Variants in AGBL4 observed in about 807,000 individuals in gnomAD.
AGBL4 encodes cytosolic carboxypeptidase 6.
A neutral mutation model predicts 66.4 loss-of-function variants in AGBL4; 58 were observed. The ratio of observed to expected loss-of-function variants is 0.87; its 90% CI spans 0.71 to 1.09. AGBL4 has a LOEUF of 1.09. Among genes scored for constraint, AGBL4 ranks in the 50% least tolerant of loss-of-function variants. The pLI is 0.00. For missense variants in AGBL4, 579 were observed against 631.0 expected (o/e 0.92, Z 0.88); for synonymous variants, 234 against 222.9 (o/e 1.05, Z -0.44).
chr1:49,014,633 C>T (rs1662680008), intron 5 of AGBL4, among the ~76,000 whole-genome samples: 1 of 152,110 alleles, frequency 6.6e-6, no homozygotes, highest in South Asian at 2.1e-4. Context: ...TTTTTTCTTG[C>T]CTGTTAGTCA....
chr1:48,542,760 T>G (rs563632187), intron 11 of AGBL4, among the ~76,000 whole-genome samples: 1 of 152,318 alleles, frequency 6.6e-6, no homozygotes, highest in East Asian at 1.9e-4. Flanking sequence ...ATGGAGAGAT[T>G]GCAAAAATTT....
chr1:49,483,167 T>A (rs1213181148), intron 3 of AGBL4, among the ~76,000 whole-genome samples: 3 of 152,116 alleles, frequency 2.0e-5, no homozygotes, highest in Non-Finnish European at 4.4e-5. Context: ...TTGAATATCT[T>A]TGTTAATTTT....
chr1:49,528,649 G>C (rs1650855826), intron 3 of AGBL4, among the ~76,000 whole-genome samples: 1 of 152,056 alleles, frequency 6.6e-6, no homozygotes, highest in Non-Finnish European at 1.5e-5. Context: ...GAGCACAAAC[G>C]TTTAGGTGGT....
At position 49,831,582 on chromosome 1, in the gene AGBL4, C is replaced by T. The variant is rs577875124; in HGVS notation, c.157+19814G>A. Among the ~76,000 whole-genome samples the T allele has an allele frequency of 2.0e-3, 299 of 152,284 alleles. 10 individuals are homozygous for T. In the South Asian group the frequency reaches 0.061, roughly 31 times the overall value. On this transcript the variant is annotated intron_variant, in intron 2 of 13. Transcript: ENST00000371839. Reference sequence around the variant, plus strand: ...TAGAGACAATTAGACTTCCTCTCTTCATATTTGAATACCCTTTATTTCTTT... The same window carrying T: ...TAGAGACAATTAGACTTCCTCTCTTTATATTTGAATACCCTTTATTTCTTT...
At chr1:49,877,423 GT>G (rs1254874893) in intron 1 of AGBL4, among the ~76,000 whole-genome samples, 24 of 152,012 alleles carry the variant, frequency 1.6e-4, no homozygotes, top group Admixed American at 3.9e-4. Context: ...TAATCATGTG[GT>G]TTTTGTCTTT....
intron 2 of AGBL4, among the ~76,000 whole-genome samples, chr1:49,725,377 C>G (rs184950764): frequency 4.6e-5 from 7 of 152,056 alleles, no homozygotes; most frequent in African/African-American, 1.7e-4. Flanking sequence ...AAGCTAACAG[C>G]GAAATAATGC....
At chr1:48,931,233 T>TA (rs1655012112) in intron 5 of AGBL4, among the ~76,000 whole-genome samples, 1 of 152,208 alleles carries the variant, frequency 6.6e-6, no homozygotes, top group Non-Finnish European at 1.5e-5. Context: ...TCTCTAATAC[T>TA]AAAGCATGAG....
chr1:49,664,847 TAAAG>T (rs1351578050), intron 3 of AGBL4, among the ~76,000 whole-genome samples: 2 of 152,064 alleles, frequency 1.3e-5, no homozygotes, highest in Non-Finnish European at 2.9e-5. Flanking sequence ...TTAGACTACT[TAAAG>T]AAATTAAGGA....
At chr1:49,729,868 G>A (rs1048114635) in intron 2 of AGBL4, among the ~76,000 whole-genome samples, 3 of 152,130 alleles carry the variant, frequency 2.0e-5, no homozygotes, top group Non-Finnish European at 4.4e-5. Context: ...ACAGGGGAGG[G>A]TCCCTGGTGA....
intron 6 of AGBL4, among the ~76,000 whole-genome samples, chr1:48,768,736 A>C (rs1166589604): frequency 6.6e-6 from 1 of 152,234 alleles, no homozygotes; most frequent in Non-Finnish European, 1.5e-5. Flanking sequence ...GAAATTCTGA[A>C]AGGCTACACA....
At chr1:48,943,072 TC>T (rs1324837700) in intron 5 of AGBL4, among the ~76,000 whole-genome samples, 2 of 152,184 alleles carry the variant, frequency 1.3e-5, no homozygotes, top group African/African-American at 4.8e-5. Flanking sequence ...AGGGAACCAA[TC>T]TTATTGAGCT....
intron 4 of AGBL4, among the ~76,000 whole-genome samples, chr1:49,140,949 T>C (rs950121484): frequency 6.6e-6 from 1 of 152,320 alleles, no homozygotes; most frequent in Non-Finnish European, 1.5e-5. Flanking sequence ...GTACTCCTTC[T>C]TGGGGCTTTT....
chr1:49,316,611 G>A (rs1645043839), intron 3 of AGBL4, among the ~76,000 whole-genome samples: 1 of 151,814 alleles, frequency 6.6e-6, no homozygotes, highest in Non-Finnish European at 1.5e-5. Flanking sequence ...AGAAAGTTAA[G>A]TAATTAAGCA....
intron 4 of AGBL4, among the ~76,000 whole-genome samples, chr1:49,215,392 A>C: frequency 6.6e-6 from 1 of 152,034 alleles, no homozygotes; most frequent in Non-Finnish European, 1.5e-5. Flanking sequence ...TCAGATGATC[A>C]CTCCTCAAAG....
At chr1:49,631,649 C>T (rs555939623) in intron 3 of AGBL4, among the ~76,000 whole-genome samples, 1 of 152,250 alleles carries the variant, frequency 6.6e-6, no homozygotes, top group South Asian at 2.1e-4. Context: ...TTCCAGAACC[C>T]AAAACCCATT....
rs569396516 is a variant in AGBL4 at position 48,677,535 on chromosome 1, A to T, written c.635-14294T>A. Among the ~76,000 whole-genome samples the T allele has an allele frequency of 4.8e-3, 738 of 152,298 alleles. 3 individuals carry two copies. Among genetic ancestry groups the T allele is most frequent in the Non-Finnish European group, 8.2e-3 (555 of 68,024 alleles). Reference sequence around the variant, plus strand: ...GGGGGCGCATTACTTATATAAGCTCATTGGATCCTGCCAGCCTTGCAGAAC... The same window carrying T: ...GGGGGCGCATTACTTATATAAGCTCTTTGGATCCTGCCAGCCTTGCAGAAC... On this transcript the variant is annotated intron_variant, in intron 6 of 13. Transcript: ENST00000371839.
chr1:48,786,015 TAA>T (rs35133989), intron 6 of AGBL4, among the ~76,000 whole-genome samples: 8 of 143,258 alleles, frequency 5.6e-5, no homozygotes, highest in East Asian at 2.0e-4. Flanking sequence ...CCCCTAGACT[TAA>T]AAAAAAAAAA....
chr1:48,971,206 T>C (rs572029318), intron 5 of AGBL4, among the ~76,000 whole-genome samples: 19 of 152,228 alleles, frequency 1.2e-4, no homozygotes, highest in Non-Finnish European at 2.8e-4. Flanking sequence ...GAATTACTGC[T>C]TGAGCTCTGC....
intron 5 of AGBL4, among the ~76,000 whole-genome samples, chr1:48,903,204 T>C (rs1205677240): frequency 6.6e-6 from 1 of 152,254 alleles, no homozygotes; most frequent in Non-Finnish European, 1.5e-5. Context: ...CCTTTTTCTC[T>C]TTCATCTCTA....
Sources: gnomAD v4.1 joint callset for allele counts (sites outside exome capture counted in the v4.1 genomes callset) on GRCh38, gnomAD v4.1.1 for gene constraint, MANE v1.5 for transcripts, NCBI Gene and HGNC (gene_info 2026-07-23, HGNC 2026-07-21) for gene names.